KMT2D: variants seen among roughly 807,000 people sequenced by gnomAD.
The protein encoded by KMT2D is histone-lysine N-methyltransferase 2D.
Under a neutral mutation model 512.7 loss-of-function variants are expected in KMT2D, and 55 were observed. The observed-to-expected ratio is 0.11, with a 90% CI of 0.09 to 0.13. The LOEUF is 0.13. Among genes scored for constraint, KMT2D ranks in the 10% least tolerant of loss-of-function variants. The probability of loss-of-function intolerance (pLI) is 1.00; values close to 1 mark genes in which losing one functional copy is unlikely to be tolerated. For synonymous variants in KMT2D, 2,995 were observed against 2,904.0 expected (o/e 1.03, Z -1.01); for missense variants, 6,061 against 7,127.9 (o/e 0.85, Z 5.39).
intron 49 of KMT2D, 142 bp from the exon 50 acceptor site, chr12:49,025,088 C>T: frequency 1.0e-6 from 1 of 983,740 alleles, no homozygotes; most frequent in Non-Finnish European, 1.5e-6. Context: ...CAGATCCTCT[C>T]TTGGCCTCCT....
rs1225413473 is a variant in KMT2D at position 49,019,335 on chromosome 12, G to A, written c.*2445C>T. On this transcript the variant is annotated 3_prime_UTR_variant, in exon 55 of 55. Transcript: ENST00000301067. ...AAAACTGAAAACTGAGTATGTGCGAGTGTAAACCAACCCAAAATACAAACA... is the reference window on the plus strand; with the variant it reads ...AAAACTGAAAACTGAGTATGTGCGAATGTAAACCAACCCAAAATACAAACA... 7.6e-6 allele frequency: 1 copy of A among 132,076 alleles called. No homozygotes were observed. The highest frequency in any genetic ancestry group is 1.4e-5 in the Non-Finnish European group (1 of 70,626). The allele number at this position is 132,076 out of a possible 1,614,324, so 8.2% of individuals were successfully genotyped here.
At chr12:49,048,278 C>T (rs528500624) in intron 14 of KMT2D, among the ~76,000 whole-genome samples, 21 of 152,304 alleles carry the variant, frequency 1.4e-4, no homozygotes, top group African/African-American at 5.1e-4. Context: ...TAAAGCCTGA[C>T]ATGGGTGAAG....
chr12:49,042,830 A>G lies in KMT2D; in HGVS notation c.5693T>C (p.Val1898Ala). 1 of 1,613,960 alleles carries G rather than the reference A, an allele frequency of 6.2e-7. No individual in the cohort carries two copies. The highest frequency in any genetic ancestry group is 8.5e-7 in the Non-Finnish European group (1 of 1,179,858). Residue 1898 changes from valine to alanine, a missense_variant, in exon 27 of 55, where the codon GTT (valine) becomes GCT (alanine). By Grantham distance (64) the Val-to-Ala change is moderately conservative. Around this residue, in one of 16 missense-constraint regions of KMT2D, gnomAD observed 640 missense variants for 814.3 expected, o/e 0.79. Transcript: ENST00000301067. This position sits in a 1 kb window ranked among gnomAD's most constrained non-coding sequence, Gnocchi z 4.4. ...ATGCTGTTCTCGTTCAGAGCCCAGA[A>G]CATCCTTGAAGAGCTGCTGCAGGTC... is the stretch of plus-strand genomic sequence containing the variant. ...SKDLQQLFKDVLGSEREQHLG... is the reference protein window; with the variant it reads ...SKDLQQLFKDALGSEREQHLG...
chr12:49,045,112 A>AG, intron 19 of KMT2D, 147 bp from the exon 20 acceptor site: 1 of 713,264 alleles, frequency 1.4e-6, no homozygotes, highest in Non-Finnish European at 2.4e-6. Flanking sequence ...CAGGCCACCA[A>AG]GGGGCACTGG....
In KMT2D at chr12:49,054,296, C is replaced by A. The variant is rs1281090809; in HGVS notation, c.510+11G>T. 6.3e-7 allele frequency: 1 copy of A among 1,576,600 alleles called. No individual in the cohort carries two copies. The highest frequency in any genetic ancestry group is 8.6e-7 in the Non-Finnish European group (1 of 1,160,904). ...GCCCTTCACCTATGCAATCCCCTGG[C>A]CCAGCCCCACCTGTGAGATCCCTGA... On this transcript the variant is annotated intron_variant, in intron 5 of 54. Transcript: ENST00000301067. The surrounding 1 kb of genome is among the most constrained non-coding windows in gnomAD (Gnocchi z 6.4).
chr12:49,041,016 G>T lies in KMT2D; in HGVS notation c.6754C>A (p.Leu2252Met), dbSNP rs748752186. ...CTCTCAGGCACAGCCAAGTTATCCAGCGAGGGGCAGCGGGGTTTGAGGAAT... is the reference window on the plus strand; with the variant it reads ...CTCTCAGGCACAGCCAAGTTATCCATCGAGGGGCAGCGGGGTTTGAGGAAT... ...DPFLKPRCPS[L>M]DNLAVPESPG... Residue 2252 changes from leucine to methionine, a missense_variant, in exon 32 of 55, where the codon CTG becomes ATG. Coordinates refer to ENST00000301067, the MANE Select transcript of KMT2D (RefSeq NM_003482.4). This position sits in a 1 kb window ranked among gnomAD's most constrained non-coding sequence, Gnocchi z 5.4. 1 of 1,582,084 alleles carries T rather than the reference G, an allele frequency of 6.3e-7. No homozygotes were observed. Among genetic ancestry groups the T allele is most frequent in the African/African-American group, 1.4e-5 (1 of 74,008 alleles).
Position 49,033,102 on chromosome 12 carries a change from C to G in KMT2D, c.11603G>C (p.Gly3868Ala), listed in dbSNP as rs1565777725. Residue 3868 changes from glycine (G) to alanine (A), a missense_variant, in exon 40 of 55, where the codon GGG becomes GCG. Around this residue, in one of 16 missense-constraint regions of KMT2D, gnomAD observed 1,600 missense variants for 1,754.9 expected, o/e 0.91. Coordinates refer to ENST00000301067, the MANE Select transcript of KMT2D (RefSeq NM_003482.4). ...AAGATGGGACAGCCCTGCCATGGAC[C>G]CTTGCTGTTGGTGCTGTTGTTGCTG... ...QQQQQQHQQQ[G>A]SMAGLSHLQQ... 6.4e-7 allele frequency: 1 copy of G among 1,551,296 alleles called. No individual in the cohort carries two copies. The highest frequency in any genetic ancestry group is 8.7e-7 in the Non-Finnish European group (1 of 1,146,904).
In KMT2D at chr12:49,026,947, G is replaced by A. The variant is rs201855029; in HGVS notation, c.15019C>T (p.Arg5007Trp). 254 of 1,613,858 alleles carry A rather than the reference G, an allele frequency of 1.6e-4. 4 individuals carry two copies. Among genetic ancestry groups the A allele is most frequent in the Admixed American group, 1.1e-3 (67 of 60,002 alleles). ...QKGSGRQEDE[R>W]EVAEFMEQLG... The stretch of plus-strand genomic sequence containing the variant: ...TGCTCCATAAACTCTGCCACTTCCC[G>A]CTCATCCTCCTGCCGCCCACTGCCC... The change falls in exon 49 of 55, where the codon CGG becomes TGG. Residue 5007 changes from arginine to tryptophan, a missense_variant. This residue lies in a region of KMT2D where 1,600 missense variants were observed against 1,754.9 expected (regional missense o/e 0.91). Coordinates refer to ENST00000301067, the MANE Select transcript of KMT2D (RefSeq NM_003482.4). The surrounding 1 kb of genome is among the most constrained non-coding windows in gnomAD (Gnocchi z 9.6).
intron 35 of KMT2D, 135 bp from the exon 36 acceptor site, chr12:49,035,070 T>A (rs557042596): frequency 1.8e-6 from 2 of 1,104,184 alleles, no homozygotes. Flanking sequence ...ACCACTGAAT[T>A]AGGAGCCAGT....
Position 49,022,436 on chromosome 12 carries a change from G to A in KMT2D, c.16339-83C>T, listed in dbSNP as rs1942376012. 3.3e-6 allele frequency: 5 copies of A among 1,495,688 alleles called. No homozygotes were observed. The highest frequency in any genetic ancestry group is 2.8e-5 in the African/African-American group (2 of 72,604). The allele number at this position is 1,495,688 out of a possible 1,614,324, so 92.7% of individuals were successfully genotyped here. ...GCTGTGGGATCAGGTAGGAGACTCAGGCAGTGGGGGCTTTTGTTGCATGTA... is the reference window on the plus strand; with the variant it reads ...GCTGTGGGATCAGGTAGGAGACTCAAGCAGTGGGGGCTTTTGTTGCATGTA... On this transcript the variant is annotated intron_variant, in intron 52 of 54. Transcript: ENST00000301067. The surrounding 1 kb of genome is among the most constrained non-coding windows in gnomAD (Gnocchi z 8.6).
At position 49,051,023 on chromosome 12, in the gene KMT2D, C is replaced by T. The variant is rs1267853455; in HGVS notation, c.2660G>A (p.Gly887Glu). The part of the protein sequence containing the change: ...PEELPLFPPP[G>E]EPSLSPLLGE... ...AAGCAAGGGAGATAAGGATGGTTCCCCAGGGGGAGGGAACAAGGGCAGCTC... is the reference window on the plus strand; with the variant it reads ...AAGCAAGGGAGATAAGGATGGTTCCTCAGGGGGAGGGAACAAGGGCAGCTC... The change falls in exon 11 of 55, where the codon GGG becomes GAG. Residue 887 changes from glycine (G) to glutamate (E), a missense_variant. By Grantham distance (98) the Gly-to-Glu change is moderately conservative. Transcript: ENST00000301067. The T allele has an allele frequency of 1.3e-6, 2 of 1,558,398 alleles. No individual in the cohort carries two copies. The highest frequency in any genetic ancestry group is 2.2e-5 in the East Asian group (1 of 44,466).
Position 49,044,425 on chromosome 12 carries a change from G to T in KMT2D, c.5061C>A (p.Arg1687=). 1.2e-6 allele frequency: 2 copies of T among 1,613,842 alleles called. No individual in the cohort carries two copies. Among genetic ancestry groups the T allele is most frequent in the Non-Finnish European group, 1.7e-6 (2 of 1,179,870 alleles). ...GKEETEESKK[R]KRKPYRPGIG... Reference sequence around the variant, plus strand: ...CACCAGGCCGATATGGTTTACGCTTGCGTTTTTTGCTTTCCTCGGTCTCCT... The same window carrying T: ...CACCAGGCCGATATGGTTTACGCTTTCGTTTTTTGCTTTCCTCGGTCTCCT... Residue 1687 remains arginine, a synonymous_variant, in exon 21 of 55, where the codon CGC becomes CGA. Transcript: ENST00000301067. The surrounding 1 kb of genome is among the most constrained non-coding windows in gnomAD (Gnocchi z 6.4).
intron 1 of KMT2D, among the ~76,000 whole-genome samples, chr12:49,058,881 A>G (rs1227866707): frequency 6.6e-6 from 1 of 152,178 alleles, no homozygotes; most frequent in African/African-American, 2.4e-5. Flanking sequence ...GGCCTCCTCT[A>G]TAATCCTCTG....
Position 49,026,864 on chromosome 12 carries a change from G to C in KMT2D, c.15102C>G (p.Phe5034Leu), listed in dbSNP as rs966863123. Reference sequence around the variant, plus strand: ...TGGCCCCGTCACCCTCCTCATGACAGAAACAGCAGCGACGCATGTCTCGCG... The same window carrying C: ...TGGCCCCGTCACCCTCCTCATGACACAAACAGCAGCGACGCATGTCTCGCG... ...KVPRDMRRCC[F>L]CHEEGDGATD... is the part of the protein sequence containing the mutation. The change falls in exon 49 of 55, where the codon TTC (phenylalanine) becomes TTG (leucine). Residue 5034 changes from phenylalanine (F) to leucine (L), a missense_variant. Coordinates refer to ENST00000301067, the MANE Select transcript of KMT2D (RefSeq NM_003482.4). The surrounding 1 kb of genome is among the most constrained non-coding windows in gnomAD (Gnocchi z 9.6). 1.2e-6 allele frequency: 2 copies of C among 1,613,998 alleles called. No homozygotes were observed. The highest frequency in any genetic ancestry group is 1.7e-6 in the Non-Finnish European group (2 of 1,179,906).
At position 49,028,043 on chromosome 12, in the gene KMT2D, G is replaced by A. The variant is rs1424210188; in HGVS notation, c.14481C>T (p.Gly4827=). ...CAGCTTCCCCCTTCTTTGGCTCAGTGCCTGCCCGGGCGGGGCTCTCTGGGA... is the reference window on the plus strand; with the variant it reads ...CAGCTTCCCCCTTCTTTGGCTCAGTACCTGCCCGGGCGGGGCTCTCTGGGA... ...VLFPESPARA[G]TEPKKGEAEG... is the part of the protein sequence containing the mutation. Residue 4827 remains glycine, a synonymous_variant, in exon 47 of 55, where the codon GGC becomes GGT. Transcript: ENST00000301067. 6.2e-7 allele frequency: 1 copy of A among 1,613,398 alleles called. No individual in the cohort carries two copies. Among genetic ancestry groups the A allele is most frequent in the Middle Eastern group, 1.7e-4 (1 of 6,060 alleles).
chr12:49,029,562 C>G (rs1942788608), intron 43 of KMT2D, 86 bp from the exon 44 acceptor site: 5 of 945,076 alleles, frequency 5.3e-6, no homozygotes, highest in Admixed American at 2.1e-5. Context: ...GCCTAATTAG[C>G]ATGAGATCTC....
At position 49,037,660 on chromosome 12, in the gene KMT2D, C is replaced by T. The variant is rs2120483793; in HGVS notation, c.9696G>A (p.Glu3232=). Residue 3232 remains glutamate (E), a synonymous_variant, in exon 35 of 55, where the codon GAG becomes GAA. Coordinates refer to ENST00000301067, the MANE Select transcript of KMT2D (RefSeq NM_003482.4). ...LPGGPAASGD[E]LDKMESSLVA... ...CCAGTGAGCTCTCCATCTTGTCTAG[C>T]TCATCCCCAGATGCTGCAGGTCCAC... 1.3e-6 allele frequency: 2 copies of T among 1,580,182 alleles called. No individual in the cohort carries two copies. Among genetic ancestry groups the T allele is most frequent in the Non-Finnish European group, 1.7e-6 (2 of 1,162,906 alleles).
At position 49,055,044 on chromosome 12, in the gene KMT2D, C is replaced by T. The variant is rs375176639; in HGVS notation, c.50-18G>A. On this transcript the variant is annotated intron_variant, in intron 2 of 54. Transcript: ENST00000301067. The stretch of plus-strand genomic sequence containing the variant: ...TCCATCAGCTGAATAAACAGACAAA[C>T]AGCATGTGTCAGCCATCATCCCTAT... The T allele has an allele frequency of 2.4e-4, 393 of 1,612,604 alleles. No individual in the cohort carries two copies. Among genetic ancestry groups the T allele is most frequent in the Non-Finnish European group, 3.0e-4 (357 of 1,179,044 alleles).
At chr12:49,029,813 G>C (rs1170484592) in intron 43 of KMT2D, among the ~76,000 whole-genome samples, 5 of 151,996 alleles carry the variant, frequency 3.3e-5, no homozygotes, top group African/African-American at 9.7e-5. Context: ...ACCAGGCCTG[G>C]TGGCAGCTGG....
Sources: allele counts gnomAD v4.1 joint callset (sites outside exome capture counted in the v4.1 genomes callset), GRCh38; gene constraint gnomAD v4.1.1; regional missense constraint gnomAD v4.1.1; non-coding constraint Gnocchi (gnomAD v3.1); transcripts MANE v1.5; gene names NCBI Gene and HGNC (gene_info 2026-07-23, HGNC 2026-07-21).